The following DPT variants were observed in gnomAD, a reference collection of about 807,000 sequenced individuals.
DPT encodes dermatopontin, also known as tyrosine-rich acidic matrix protein.
DPT carries 21 observed loss-of-function variants against 31.2 expected under a neutral mutation model. The observed-to-expected ratio is 0.67, with a 90% CI of 0.48 to 0.97. The LOEUF is 0.97. Among genes scored for constraint, DPT ranks in the 50% least tolerant of loss-of-function variants. The pLI is 0.00. For synonymous variants in DPT, 91 were observed against 86.9 expected (o/e 1.05, Z -0.26); for missense variants, 262 against 258.8 (o/e 1.01, Z -0.08).
chr1:168,707,576 G>C (rs1182971326), intron 2 of DPT, among the ~76,000 whole-genome samples: 1 of 152,144 alleles, frequency 6.6e-6, no homozygotes, highest in Non-Finnish European at 1.5e-5. Flanking sequence ...AAATACAGTC[G>C]ATATGGTTTG....
chr1:168,713,194 G>C (rs1251627432), intron 2 of DPT, among the ~76,000 whole-genome samples: 2 of 152,116 alleles, frequency 1.3e-5, no homozygotes, highest in Non-Finnish European at 2.9e-5. Context: ...CACTGTAGAG[G>C]AGTAAAAGCT....
rs1269395191 is a variant in DPT at position 168,701,099 on chromosome 1, AG to A, written c.456del (p.Tyr153MetfsTer7). ...SCWLTTEYPG[H>X]YGEEMDMISY... ...GAAATCATGTCCATTTCCTCACCAT[AG>A]TGACCTGGATATTCTGTTGTTAGCC... On this transcript the variant is annotated frameshift_variant, in exon 3 of 4. Coordinates refer to ENST00000367817, the MANE Select transcript of DPT (RefSeq NM_001937.5). LOFTEE classifies it high-confidence loss of function. 1 of 1,613,760 alleles carries A rather than the reference AG, an allele frequency of 6.2e-7. No individual in the cohort carries two copies. Among genetic ancestry groups the A allele is most frequent in the South Asian group, 1.1e-5 (1 of 91,060 alleles).
rs756710718 is a variant in DPT at position 168,697,263 on chromosome 1, C to CA, written c.540-649dup. Reference sequence around the variant, plus strand: ...TGGGTGACAGAGTGAAACCCTGTCTCAAAAAAAAGAAAAAAATCTTGTTTT... The same window carrying CA: ...TGGGTGACAGAGTGAAACCCTGTCTCAAAAAAAAAGAAAAAAATCTTGTTTT... On this transcript the variant is annotated intron_variant, in intron 3 of 3. Transcript: ENST00000367817. 1.1e-4 allele frequency among the ~76,000 whole-genome samples: 16 copies of CA among 151,212 alleles called. No individual in the cohort carries two copies. The East Asian group carries it at 1.2e-3, about 11-fold the overall frequency.
At chr1:168,727,427 T>C (rs988513469) in intron 1 of DPT, among the ~76,000 whole-genome samples, 5 of 152,106 alleles carry the variant, frequency 3.3e-5, no homozygotes, top group African/African-American at 1.2e-4. Context: ...AAAGGCCCGC[T>C]CTCTTTCCTG....
intron 2 of DPT, among the ~76,000 whole-genome samples, chr1:168,704,128 G>A (rs1046804536): frequency 3.9e-5 from 6 of 152,214 alleles, no homozygotes; most frequent in East Asian, 1.9e-4. Flanking sequence ...TGCGAGTGTA[G>A]GTCGGGGAAG....
chr1:168,698,275 G>A (rs151179073), intron 3 of DPT, among the ~76,000 whole-genome samples: 145 of 152,258 alleles, frequency 9.5e-4, no homozygotes, highest in African/African-American at 3.4e-3. Flanking sequence ...ACAAATCTGG[G>A]TGATCAACTT....
At chr1:168,703,268 G>A (rs1462986636) in intron 2 of DPT, among the ~76,000 whole-genome samples, 1 of 152,172 alleles carries the variant, frequency 6.6e-6, no homozygotes, top group African/African-American at 2.4e-5. Flanking sequence ...TGGAAATTAT[G>A]AAGCTAGATT....
chr1:168,704,861 C>T (rs959572769), intron 2 of DPT, among the ~76,000 whole-genome samples: 5 of 152,162 alleles, frequency 3.3e-5, no homozygotes, highest in African/African-American at 1.2e-4. Flanking sequence ...TTTTTCTCAT[C>T]TAAGATTCTT....
intron 1 of DPT, among the ~76,000 whole-genome samples, chr1:168,725,380 C>T (rs989307318): frequency 6.6e-6 from 1 of 151,124 alleles, no homozygotes; most frequent in Non-Finnish European, 1.5e-5. Context: ...GAATGAGATA[C>T]CGAATGTCAC....
chr1:168,709,128 A>G (rs1193949723), intron 2 of DPT, among the ~76,000 whole-genome samples: 1 of 152,198 alleles, frequency 6.6e-6, no homozygotes, highest in African/African-American at 2.4e-5. Context: ...ATATTATCCA[A>G]TGAACCTAAT....
intron 3 of DPT, among the ~76,000 whole-genome samples, chr1:168,698,160 G>A (rs893866415): frequency 5.9e-5 from 9 of 152,156 alleles, no homozygotes; most frequent in Non-Finnish European, 2.9e-5. Context: ...TTAGTCCTAG[G>A]AAGCAGGGCT....
chr1:168,712,872 C>T (rs900103026), intron 2 of DPT, among the ~76,000 whole-genome samples: 20 of 152,102 alleles, frequency 1.3e-4, no homozygotes, highest in Admixed American at 3.3e-4. Flanking sequence ...TATTAACATG[C>T]TAAGTGCATT....
chr1:168,695,630 A>G lies in DPT; in HGVS notation c.*919T>C, dbSNP rs1454926156. On this transcript the variant is annotated 3_prime_UTR_variant, in exon 4 of 4. Coordinates refer to ENST00000367817, the MANE Select transcript of DPT (RefSeq NM_001937.5). ...CAGGGCAGCCTTTCCCACCAAAAAA[A>G]TCAGGCCCAATCCAGGAGAGTTTGC... is the stretch of plus-strand genomic sequence containing the variant. 6.6e-6 allele frequency: 1 copy of G among 152,262 alleles called. No individual in the cohort carries two copies. Among genetic ancestry groups the G allele is most frequent in the Admixed American group, 6.5e-5 (1 of 15,286 alleles). The allele number at this position is 152,262 out of a possible 1,614,324, so 9.4% of individuals were successfully genotyped here.
chr1:168,701,294 C>T (rs1198628898), intron 2 of DPT, among the ~76,000 whole-genome samples, 170 bp from the exon 3 acceptor site: 1 of 152,100 alleles, frequency 6.6e-6, no homozygotes, highest in Admixed American at 6.5e-5. Flanking sequence ...ACAGACAGCT[C>T]TCCTCCCACT....
chr1:168,705,202 G>A (rs928302050), intron 2 of DPT, among the ~76,000 whole-genome samples: 2 of 152,162 alleles, frequency 1.3e-5, no homozygotes, highest in South Asian at 2.1e-4. Flanking sequence ...CCACCTCTAC[G>A]AGACCTTATT....
Position 168,701,236 on chromosome 1 carries a change from A to G in DPT, c.432-112T>C. The G allele has an allele frequency of 8.5e-6, 7 of 824,424 alleles. No individual in the cohort carries two copies. The South Asian group carries it at 9.8e-5, about 12-fold the overall frequency. The allele number at this position is 824,424 out of a possible 1,614,324, so 51.1% of individuals were successfully genotyped here. A position where few individuals can be genotyped will look rare whatever the true frequency, so the allele number is the denominator to read the frequency against. Reference sequence around the variant, plus strand: ...GGAGTTTGAGCATCCTGGCAAATCCAGACTGAAGTTAAATGACATCCACCA... The same window carrying G: ...GGAGTTTGAGCATCCTGGCAAATCCGGACTGAAGTTAAATGACATCCACCA... On this transcript the variant is annotated intron_variant, in intron 2 of 3. Coordinates refer to ENST00000367817, the MANE Select transcript of DPT (RefSeq NM_001937.5).
chr1:168,724,598 C>A (rs1201825990), intron 1 of DPT, among the ~76,000 whole-genome samples: 1 of 151,982 alleles, frequency 6.6e-6, no homozygotes, highest in Non-Finnish European at 1.5e-5. Context: ...ACAAAGCAGG[C>A]TGAGGGAGTG....
At chr1:168,706,346 C>G (rs1042962263) in intron 2 of DPT, among the ~76,000 whole-genome samples, 1 of 152,212 alleles carries the variant, frequency 6.6e-6, no homozygotes, top group African/African-American at 2.4e-5. Flanking sequence ...TAAAGCCAGT[C>G]TGTTCATGAT....
chr1:168,709,751 A>T (rs1031064799), intron 2 of DPT, among the ~76,000 whole-genome samples: 5 of 152,244 alleles, frequency 3.3e-5, no homozygotes, highest in Admixed American at 2.0e-4. Context: ...ACATGGGTCC[A>T]GTTCCCTGGG....
Sources: gnomAD v4.1 joint callset for allele counts (sites outside exome capture counted in the v4.1 genomes callset) on GRCh38, gnomAD v4.1.1 for gene constraint, MANE v1.5 for transcripts, NCBI Gene and HGNC (gene_info 2026-07-23, HGNC 2026-07-21) for gene names.